Variants in TRIOBP observed in about 807,000 individuals in gnomAD.
TRIOBP encodes the protein TRIO and F-actin-binding protein.
Under a neutral mutation model 238.8 loss-of-function variants are expected in TRIOBP, and 169 were observed. That is an observed-to-expected ratio of 0.71 (90% CI 0.62 to 0.80). The LOEUF (loss-of-function observed/expected upper bound fraction) is 0.80. TRIOBP is among the 30% of genes least tolerant of loss of function. The probability of loss-of-function intolerance (pLI) is 0.00; values close to 1 mark genes in which losing one functional copy is unlikely to be tolerated. For missense variants in TRIOBP, 2,838 were observed against 3,122.6 expected, an observed-to-expected ratio of 0.91 and a Z score of 2.17; for synonymous variants, 1,150 against 1,274.4, an observed-to-expected ratio of 0.90 and a Z score of 2.08.
chr22:37,701,562 C>A (rs1922646694), intron 3 of TRIOBP, 83 bp downstream of exon 3: 1 of 959,260 alleles, frequency 1.0e-6, no homozygotes, highest in Non-Finnish European at 1.6e-6. Context: ...CGCTAACTCG[C>A]AGTTGAACCC....
intron 11 of TRIOBP, among the ~76,000 whole-genome samples, chr22:37,746,890 G>C (rs1925311129): frequency 6.6e-6 from 1 of 151,510 alleles, no homozygotes; most frequent in South Asian, 2.1e-4. Flanking sequence ...CCAGCCCTCC[G>C]TGTGGCCGCT....
At chr22:37,757,561 G>A in intron 15 of TRIOBP, 52 bp from the exon 16 acceptor site, 2 of 1,543,264 alleles carry the variant, frequency 1.3e-6, no homozygotes, top group Non-Finnish European at 1.7e-6. Flanking sequence ...AGTGCTCATT[G>A]TGGGACTGCA....
intron 11 of TRIOBP, among the ~76,000 whole-genome samples, chr22:37,745,860 C>A (rs960202736): frequency 6.6e-6 from 1 of 152,150 alleles, no homozygotes; most frequent in African/African-American, 2.4e-5. Context: ...GCTCCGGGGC[C>A]GGGTCGGGAA....
chr22:37,754,069 G>T (rs1018327606), intron 12 of TRIOBP, among the ~76,000 whole-genome samples: 7 of 152,152 alleles, frequency 4.6e-5, no homozygotes, highest in Non-Finnish European at 1.0e-4. Context: ...ACAGCTTAGG[G>T]CGCTCTCACC....
At chr22:37,711,602 A>AAAAAAAAAAAAAAAAAC (rs1569034724) in intron 4 of TRIOBP, among the ~76,000 whole-genome samples, 15 of 140,616 alleles carry the variant, frequency 1.1e-4, no homozygotes, top group East Asian at 4.2e-4. Flanking sequence ...ACAACAAAAA[A>AAAAAAAAAAAAAAAAAC]AAAAAACAAA....
chr22:37,729,537 G>A (rs534931443), intron 7 of TRIOBP, among the ~76,000 whole-genome samples: 1 of 152,090 alleles, frequency 6.6e-6, no homozygotes, highest in East Asian at 1.9e-4. Flanking sequence ...TCCTAACTTT[G>A]TCTTAACTAA....
chr22:37,710,836 C>G lies in TRIOBP; in HGVS notation c.254+270C>G, dbSNP rs1377284107. Among the ~76,000 whole-genome samples the G allele has an allele frequency of 2.6e-5, 4 of 152,320 alleles. No individual in the cohort carries two copies. The East Asian group carries it at 7.7e-4, about 29-fold the overall frequency. On this transcript the variant is annotated intron_variant, in intron 4 of 23. Transcript: ENST00000644935. ...GTCTCTCCCAGGGGCCCTGCCCACC[C>G]CATAACCTCCCAAGACCGAGCTCAG...
intron 11 of TRIOBP, chr22:37,751,181 C>A (rs963573118): frequency 6.0e-5 from 24 of 399,574 alleles, no homozygotes; most frequent in Non-Finnish European, 1.1e-4. Flanking sequence ...GGCTGTGCCC[C>A]CCTGGGCGGC....
Position 37,726,082 on chromosome 22 carries a change from T to G in TRIOBP, c.3526T>G (p.Ser1176Ala), listed in dbSNP as rs1924139669. The G allele has an allele frequency of 6.4e-7, 1 of 1,556,248 alleles. No homozygotes were observed. Among genetic ancestry groups the G allele is most frequent in the African/African-American group, 1.4e-5 (1 of 73,410 alleles). The change falls in exon 7 of 24, where the codon TCC becomes GCC. Residue 1176 changes from serine (S) to alanine (A), a missense_variant. By Grantham distance (99) the Ser-to-Ala change is moderately conservative (BLOSUM62 1). Around this residue, in one of 5 missense-constraint regions of TRIOBP, gnomAD observed 2,096 missense variants for 2,137.4 expected, o/e 0.98. Transcript: ENST00000644935. ...IGHRDAPSFSSPPRQAPEPSL... is the reference protein window; with the variant it reads ...IGHRDAPSFSAPPRQAPEPSL... Reference sequence around the variant, plus strand: ...GCACCGGGATGCACCCTCCTTCTCATCCCCACCACGCCAGGCTCCTGAGCC... The same window carrying G: ...GCACCGGGATGCACCCTCCTTCTCAGCCCCACCACGCCAGGCTCCTGAGCC...
At chr22:37,717,355 G>C (rs990288900) in intron 6 of TRIOBP, among the ~76,000 whole-genome samples, 1 of 152,228 alleles carries the variant, frequency 6.6e-6, no homozygotes, top group Admixed American at 6.5e-5. Context: ...AGCTTCCACA[G>C]CATGGAAGAG....
Position 37,755,182 on chromosome 22 carries a change from C to T in TRIOBP, c.5569C>T (p.Gln1857Ter), listed in dbSNP as rs1159115746. The T allele has an allele frequency of 3.7e-6, 6 of 1,611,836 alleles. No homozygotes were observed. The highest frequency in any genetic ancestry group is 5.1e-6 in the Non-Finnish European group (6 of 1,179,068). ...CGCGGTGCAGCGCAACTATGGCTTC[C>T]AGATCCACGTGAGGCTGTGTGCAGC... The part of the protein sequence containing the change: ...EYAVQRNYGF[Q>*]IHTKDAVYTL... The change falls in exon 14 of 24, where the codon CAG becomes TAG. Residue 1857 changes from glutamine to a stop codon, truncating the protein, a stop_gained. Transcript: ENST00000644935. LOFTEE classifies it high-confidence loss of function.
chr22:37,751,775 G>A lies in TRIOBP; in HGVS notation c.5326G>A (p.Asp1776Asn), dbSNP rs767681460. ...SLGVLRWRRP[D>N]LLNFKKGWMS... The stretch of plus-strand genomic sequence containing the variant: ...CTCCCTCCTCATCTCCCCACAGCCC[G>A]ATCTGCTCAACTTCAAGAAGGGATG... The change falls in exon 12 of 24, where the codon GAT (aspartate) becomes AAT (asparagine). Residue 1776 changes from aspartate (D) to asparagine (N), a missense_variant. Asp to Asn is a conservative substitution (Grantham distance 23). Coordinates refer to ENST00000644935, the MANE Select transcript of TRIOBP (RefSeq NM_001039141.3). 1.0e-4 allele frequency: 161 copies of A among 1,613,980 alleles called. No homozygotes were observed. The highest frequency in any genetic ancestry group is 1.3e-4 in the Non-Finnish European group (150 of 1,180,008).
At chr22:37,750,638 A>G in intron 11 of TRIOBP, 1 of 471,004 alleles carries the variant, frequency 2.1e-6, no homozygotes, top group Non-Finnish European at 4.4e-6. Context: ...TCTCCCTTAG[A>G]CAGGTATACA....
chr22:37,713,542 T>G (rs1923365906), intron 5 of TRIOBP, 131 bp downstream of exon 5: 2 of 1,203,030 alleles, frequency 1.7e-6, no homozygotes, highest in Admixed American at 1.8e-5. Context: ...TCTGGACCAT[T>G]AGCTGGCAGC....
chr22:37,732,826 A>G (rs1267557902), intron 7 of TRIOBP, among the ~76,000 whole-genome samples: 2 of 152,260 alleles, frequency 1.3e-5, no homozygotes, highest in African/African-American at 4.8e-5. Flanking sequence ...GGCCCCTGGA[A>G]CATAAGAAGC....
chr22:37,746,192 G>A (rs117955278), intron 11 of TRIOBP: 3 of 1,038,100 alleles, frequency 2.9e-6, no homozygotes, highest in East Asian at 1.5e-4. Flanking sequence ...CCATTGGCCC[G>A]CTCGGGTCCT....
intron 11 of TRIOBP, chr22:37,746,494 C>G (rs1414778540): frequency 2.4e-6 from 3 of 1,263,478 alleles, no homozygotes; most frequent in Non-Finnish European, 3.1e-6. Context: ...CCCAGCCTCT[C>G]CCCTCCGGGG....
chr22:37,728,261 C>CAAA (rs67412135), intron 7 of TRIOBP, among the ~76,000 whole-genome samples: 35 of 77,920 alleles, frequency 4.5e-4, no homozygotes, highest in African/African-American at 6.2e-4. Context: ...GACTCCGTCT[C>CAAA]AAAAAAAAAA....
chr22:37,763,178 C>T (rs1926325193), intron 17 of TRIOBP, among the ~76,000 whole-genome samples: 1 of 152,208 alleles, frequency 6.6e-6, no homozygotes, highest in Admixed American at 6.5e-5. Context: ...GGGCTCCCCA[C>T]TGGTGGATGC....
Sources: allele counts gnomAD v4.1 joint callset (sites outside exome capture counted in the v4.1 genomes callset), GRCh38; gene constraint gnomAD v4.1.1; regional missense constraint gnomAD v4.1.1; transcripts MANE v1.5; gene names NCBI Gene and HGNC (gene_info 2026-07-23, HGNC 2026-07-21).